The following SAMD5 variants were observed in gnomAD, a reference collection of about 807,000 sequenced individuals.
SAMD5 encodes sterile alpha motif domain-containing protein 5.
Under a neutral mutation model 11.3 loss-of-function variants are expected in SAMD5, and 13 were observed. The ratio of observed to expected loss-of-function variants is 1.15; its 90% CI spans 0.75 to 1.83. The LOEUF (loss-of-function observed/expected upper bound fraction) is 1.83, where lower values mean the gene tolerates loss of function less well. Among genes scored for constraint, SAMD5 ranks in the 40% most tolerant of loss-of-function variants. The pLI is 0.00. For synonymous variants in SAMD5, 129 were observed against 111.3 expected (o/e 1.16, Z -1.00); for missense variants, 255 against 239.1 (o/e 1.07, Z -0.44).
At chr6:147,853,225 C>T in the SAMD5 span, among the ~76,000 whole-genome samples, 3 of 152,074 alleles carry the variant, frequency 2.0e-5, no homozygotes, top group African/African-American at 7.2e-5. Flanking sequence ...TCCTCTAAGT[C>T]TCAGTAATTG....
At chr6:147,918,688 C>CA in the SAMD5 span, among the ~76,000 whole-genome samples, 1 of 99,446 alleles carries the variant, frequency 1.0e-5, no homozygotes, top group Non-Finnish European at 1.9e-5. Flanking sequence ...CACAAGCATT[C>CA]TTTTTTTTTT....
Position 147,616,288 on chromosome 6 carries a change from C to CATATATATTTA in SAMD5, c.162+106901_162+106902insATATATATTTA, listed in dbSNP as rs1562334372. Among the ~76,000 whole-genome samples, 20 of 103,596 alleles carry CATATATATTTA rather than the reference C, an allele frequency of 1.9e-4. 2 individuals carry two copies. The highest frequency in any genetic ancestry group is 9.3e-4 in the African/African-American group (12 of 12,842). The allele number at this position is 103,596 out of a possible 152,430, so 68.0% of individuals were successfully genotyped here. A position where few individuals can be genotyped will look rare whatever the true frequency, so the allele number is the denominator to read the frequency against. ...TTTCATATATATTTATTCATATATA[C>CATATATATTTA]TTCATATATATTTCATATATATTTA... On this transcript the variant is annotated intron_variant, in intron 1 of 1. Transcript: ENST00000566741.
intron 1 of SAMD5, among the ~76,000 whole-genome samples, chr6:147,624,089 C>T (rs915737871): frequency 2.7e-4 from 41 of 152,302 alleles, no homozygotes; most frequent in Non-Finnish European, 4.6e-4. Context: ...AGACTGCTCT[C>T]AAGCTCCTGA....
intron 1 of SAMD5, among the ~76,000 whole-genome samples, chr6:147,514,789 G>A (rs13220031): frequency 0.056 from 8,476 of 152,090 alleles, 301 homozygotes; most frequent in Admixed American, 0.088. Flanking sequence ...TAATACTTTC[G>A]TAGGAGTGTT....
chr6:147,643,744 A>AGAAGGAAGGAAGGGAGGAAG (rs1554239611), intron 1 of SAMD5, among the ~76,000 whole-genome samples: 5 of 116,072 alleles, frequency 4.3e-5, no homozygotes, highest in Admixed American at 9.6e-5. Flanking sequence ...AGGGAAGGAA[A>AGAAGGAAGGAAGGGAGGAAG]GAAGGAAGGA....
the SAMD5 span, among the ~76,000 whole-genome samples, chr6:147,852,437 G>T: frequency 1.3e-5 from 2 of 151,750 alleles, no homozygotes; most frequent in East Asian, 3.9e-4. Context: ...CTGAGTATTT[G>T]CACATTGTAT....
chr6:147,673,885 G>GA (rs1184294860), intron 1 of SAMD5, among the ~76,000 whole-genome samples: 6 of 151,280 alleles, frequency 4.0e-5, no homozygotes, highest in Non-Finnish European at 8.8e-5. Flanking sequence ...CAGTTTGTCA[G>GA]AAAAAAAAGG....
intron 1 of SAMD5, among the ~76,000 whole-genome samples, chr6:147,630,526 G>A (rs1790133433): frequency 6.6e-6 from 1 of 152,020 alleles, no homozygotes; most frequent in Non-Finnish European, 1.5e-5. Flanking sequence ...TGACTCAAAA[G>A]CTCCCCCACT....
chr6:147,820,114 A>G, the SAMD5 span, among the ~76,000 whole-genome samples: 2 of 152,282 alleles, frequency 1.3e-5, no homozygotes, highest in Non-Finnish European at 2.9e-5. Context: ...CTTTGATTTT[A>G]TACTTTCAGT....
At position 147,564,644 on chromosome 6, in the gene SAMD5, A is replaced by T; in HGVS notation, c.*188A>T. 1 of 1,382,198 alleles carries T rather than the reference A, an allele frequency of 7.2e-7. No homozygotes were observed. The highest frequency in any genetic ancestry group is 1.6e-5 in the South Asian group (1 of 63,174). The allele number at this position is 1,382,198 out of a possible 1,614,324, so 85.6% of individuals were successfully genotyped here. ...ACTGGGTAACTGGCTTATAACAGCT[A>T]GAAATAAGGCAGTGAACTATCACGC... On this transcript the variant is annotated 3_prime_UTR_variant, in exon 2 of 2. Transcript: ENST00000367474.
At chr6:147,940,347 A>G in the SAMD5 span, among the ~76,000 whole-genome samples, 2 of 152,058 alleles carry the variant, frequency 1.3e-5, no homozygotes, top group African/African-American at 4.8e-5. Flanking sequence ...CACCTTTTCC[A>G]TATTCTACTA....
At chr6:147,623,191 T>A (rs1789998550) in intron 1 of SAMD5, among the ~76,000 whole-genome samples, 1 of 152,176 alleles carries the variant, frequency 6.6e-6, no homozygotes, top group Non-Finnish European at 1.5e-5. Flanking sequence ...GTCAGCTGTG[T>A]GTTGTGGGGG....
intron 1 of SAMD5, among the ~76,000 whole-genome samples, chr6:147,652,227 T>G (rs1790495781): frequency 6.6e-6 from 1 of 152,188 alleles, no homozygotes; most frequent in African/African-American, 2.4e-5. Context: ...TAAAAGCTAC[T>G]TGGTTTCATC....
At chr6:147,626,342 G>A (rs1238087359) in intron 1 of SAMD5, among the ~76,000 whole-genome samples, 3 of 151,592 alleles carry the variant, frequency 2.0e-5, no homozygotes, top group South Asian at 2.1e-4. Flanking sequence ...CTTACTGCTA[G>A]AGGCACCGTT....
the SAMD5 span, among the ~76,000 whole-genome samples, chr6:147,789,351 A>G: frequency 1.0e-3 from 153 of 152,090 alleles, 1 homozygote; most frequent in African/African-American, 3.6e-3. Flanking sequence ...GCACACACAT[A>G]CATACAGGTA....
chr6:147,623,719 G>C (rs9497828), intron 1 of SAMD5, among the ~76,000 whole-genome samples: 21,565 of 152,150 alleles, frequency 0.14, 1,858 homozygotes, highest in East Asian at 0.27. Flanking sequence ...AAAAACTTAA[G>C]ATTTCAAAGA....
chr6:147,736,561 A>C (rs1009023244), intron 1 of SAMD5, among the ~76,000 whole-genome samples: 28 of 152,192 alleles, frequency 1.8e-4, no homozygotes, highest in Admixed American at 1.7e-3. Context: ...ATATGGACTT[A>C]GATGGGCACA....
intron 1 of SAMD5, among the ~76,000 whole-genome samples, chr6:147,533,117 C>T (rs1788454980): frequency 6.6e-6 from 1 of 152,160 alleles, no homozygotes; most frequent in South Asian, 2.1e-4. Context: ...GGCCAGCACA[C>T]CCAGAGCCCA....
intron 1 of SAMD5, among the ~76,000 whole-genome samples, chr6:147,602,959 A>C (rs138798804): frequency 1.3e-5 from 2 of 152,310 alleles, no homozygotes; most frequent in Admixed American, 6.5e-5. Context: ...AAGGGGCTAC[A>C]TTATTTGAAG....
Sources: allele counts gnomAD v4.1 joint callset (sites outside exome capture counted in the v4.1 genomes callset), GRCh38; gene constraint gnomAD v4.1.1; transcripts MANE v1.5; gene names NCBI Gene and HGNC (gene_info 2026-07-23, HGNC 2026-07-21).